RBFOX1: variants seen among roughly 807,000 people sequenced by gnomAD.
RBFOX1 encodes RNA binding fox-1 homolog 1, also known as RNA binding protein fox-1 homolog 1.
Under a neutral mutation model 57.7 loss-of-function variants are expected in RBFOX1, and 8 were observed. The ratio of observed to expected loss-of-function variants is 0.14; its 90% CI spans 0.08 to 0.25. The LOEUF (loss-of-function observed/expected upper bound fraction) is 0.25. Ranked by LOEUF, RBFOX1 falls within the 10% of genes least tolerant of loss-of-function variation. The pLI is 1.00. For synonymous variants in RBFOX1, 326 were observed against 222.4 expected (o/e 1.47, Z -4.15); for missense variants, 611 against 548.5 (o/e 1.11, Z -1.14).
intron 1 of RBFOX1, among the ~76,000 whole-genome samples, chr16:5,435,900 G>A (rs1333039710): frequency 6.6e-6 from 1 of 152,152 alleles, no homozygotes; most frequent in African/African-American, 2.4e-5. Context: ...ACAGAGCTGC[G>A]GTGAACAACC....
At chr16:6,364,032 G>A (rs529079141) in intron 2 of RBFOX1, among the ~76,000 whole-genome samples, 3 of 152,330 alleles carry the variant, frequency 2.0e-5, no homozygotes, top group Admixed American at 1.3e-4. Context: ...CAATGGAATA[G>A]TGGCCTGTAT....
chr16:5,449,934 T>G (rs1307247336), intron 1 of RBFOX1, among the ~76,000 whole-genome samples: 1 of 152,158 alleles, frequency 6.6e-6, no homozygotes, highest in Non-Finnish European at 1.5e-5. Flanking sequence ...CATATCCCCT[T>G]CTAATTTACT....
chr16:6,719,438 A>C (rs892963423), intron 3 of RBFOX1, among the ~76,000 whole-genome samples: 2 of 143,778 alleles, frequency 1.4e-5, no homozygotes, highest in African/African-American at 5.7e-5. Context: ...CATCTTCAAA[A>C]TAACCTGTTT....
chr16:5,908,854 G>C (rs185152058), intron 4 of RBFOX1, among the ~76,000 whole-genome samples: 34 of 152,088 alleles, frequency 2.2e-4, no homozygotes, highest in African/African-American at 5.5e-4. Flanking sequence ...AAGCCTTCAT[G>C]AGTGGGATTA....
chr16:7,018,342 T>A (rs567135483), intron 3 of RBFOX1, among the ~76,000 whole-genome samples: 7 of 152,284 alleles, frequency 4.6e-5, no homozygotes, highest in Admixed American at 3.3e-4. Context: ...GGGAGTTGTT[T>A]CAGGCCACCT....
chr16:5,489,784 C>T (rs1356631333), intron 2 of RBFOX1, among the ~76,000 whole-genome samples: 1 of 152,208 alleles, frequency 6.6e-6, no homozygotes, highest in African/African-American at 2.4e-5. Context: ...CAAATAGGTT[C>T]CTCAGGGTCA....
chr16:7,398,158 C>T (rs1405332500), intron 4 of RBFOX1, among the ~76,000 whole-genome samples: 1 of 152,184 alleles, frequency 6.6e-6, no homozygotes, highest in South Asian at 2.1e-4. Context: ...CTTTTGGACC[C>T]ATTTCAAACA....
intron 1 of RBFOX1, among the ~76,000 whole-genome samples, chr16:6,172,326 G>C (rs931956297): frequency 1.3e-5 from 2 of 152,132 alleles, no homozygotes; most frequent in Admixed American, 1.3e-4. Context: ...GGGAAAGAAG[G>C]GAAAGCAGGA....
chr16:7,688,187 G>C (rs2076480978), intron 14 of RBFOX1, among the ~76,000 whole-genome samples: 1 of 150,538 alleles, frequency 6.6e-6, no homozygotes, highest in Non-Finnish European at 1.5e-5. Flanking sequence ...CTCAGCTGTA[G>C]GGATTGCCTA....
chr16:5,334,765 G>A (rs534976862), intron 1 of RBFOX1, among the ~76,000 whole-genome samples: 15 of 151,528 alleles, frequency 9.9e-5, no homozygotes, highest in Admixed American at 7.9e-4. Flanking sequence ...ACTGTCCAAC[G>A]TTAAAGATGG....
chr16:6,707,325 G>A (rs1482385074), intron 3 of RBFOX1, among the ~76,000 whole-genome samples: 2 of 152,018 alleles, frequency 1.3e-5, no homozygotes, highest in Non-Finnish European at 2.9e-5. Flanking sequence ...CCTCCTCTAG[G>A]TAACACACAA....
rs571400408 is a variant in RBFOX1 at position 6,657,247 on chromosome 16, A to G, written c.-16+2597A>G. Reference sequence around the variant, plus strand: ...CCTTCCTTCTTTTTCCTTCCTTCAAATTCCCAGTAATACAGTGAATCTTAT... The same window carrying G: ...CCTTCCTTCTTTTTCCTTCCTTCAAGTTCCCAGTAATACAGTGAATCTTAT... On this transcript the variant is annotated intron_variant, in intron 3 of 15. Transcript: ENST00000550418. Among the ~76,000 whole-genome samples, 3 of 149,492 alleles carry G rather than the reference A, an allele frequency of 2.0e-5. No homozygotes were observed. In the South Asian group the frequency reaches 6.3e-4, roughly 32 times the overall value.
intron 3 of RBFOX1, among the ~76,000 whole-genome samples, chr16:6,910,469 G>C (rs539986686): frequency 6.6e-6 from 1 of 152,192 alleles, no homozygotes; most frequent in Admixed American, 6.5e-5. Context: ...CTCTGTGCCT[G>C]AGTGGGTGAT....
intron 4 of RBFOX1, among the ~76,000 whole-genome samples, chr16:7,479,592 A>G (rs917942288): frequency 2.0e-5 from 3 of 152,124 alleles, no homozygotes; most frequent in African/African-American, 7.2e-5. Flanking sequence ...GAAGCATGAA[A>G]CAGGTACTGT....
chr16:7,504,790 T>A (rs1387339655), intron 4 of RBFOX1, among the ~76,000 whole-genome samples: 1 of 25,622 alleles, frequency 3.9e-5, no homozygotes, highest in Non-Finnish European at 1.1e-4. Flanking sequence ...TATATATTTA[T>A]ATATATATAT....
At chr16:6,375,491 T>C (rs371628292) in intron 2 of RBFOX1, among the ~76,000 whole-genome samples, 12 of 151,996 alleles carry the variant, frequency 7.9e-5, no homozygotes, top group African/African-American at 2.9e-4. Flanking sequence ...TTTAGGCAGA[T>C]GATCGTTTCT....
At chr16:7,615,585 C>G (rs1262726158) in intron 10 of RBFOX1, among the ~76,000 whole-genome samples, 2 of 152,072 alleles carry the variant, frequency 1.3e-5, no homozygotes, top group Non-Finnish European at 2.9e-5. Context: ...TCATTTTCTA[C>G]CTACAAGCTG....
intron 4 of RBFOX1, among the ~76,000 whole-genome samples, chr16:7,438,430 T>A (rs2098739632): frequency 6.6e-6 from 1 of 152,052 alleles, no homozygotes; most frequent in Admixed American, 6.6e-5. Context: ...TTTTGCCCTG[T>A]CCTGGGAGGG....
intron 4 of RBFOX1, among the ~76,000 whole-genome samples, chr16:7,306,743 T>A (rs1438958906): frequency 6.6e-6 from 1 of 152,224 alleles, no homozygotes; most frequent in Non-Finnish European, 1.5e-5. Flanking sequence ...TGGAGTCATC[T>A]GTCCTGGCCA....
Sources: allele counts gnomAD v4.1 joint callset (sites outside exome capture counted in the v4.1 genomes callset), GRCh38; gene constraint gnomAD v4.1.1; transcripts MANE v1.5; gene names NCBI Gene and HGNC (gene_info 2026-07-23, HGNC 2026-07-21).